Variants in NTNG1 observed in about 807,000 individuals in gnomAD.
NTNG1 encodes netrin-G1.
Under a neutral mutation model 54.0 loss-of-function variants are expected in NTNG1, and 16 were observed. The observed-to-expected ratio is 0.30, with a 90% CI of 0.20 to 0.45. The LOEUF is 0.45. NTNG1 is among the 20% of genes least tolerant of loss of function. The pLI is 1.00. For synonymous variants in NTNG1, 255 were observed against 263.1 expected (o/e 0.97, Z 0.30); for missense variants, 530 against 678.7 (o/e 0.78, Z 2.43).
At chr1:107,256,172 T>C (rs192580242) in intron 2 of NTNG1, among the ~76,000 whole-genome samples, 6 of 152,310 alleles carry the variant, frequency 3.9e-5, no homozygotes, top group Admixed American at 3.9e-4. Flanking sequence ...ATGACATTAT[T>C]GATCCATTGT....
intron 2 of NTNG1, among the ~76,000 whole-genome samples, chr1:107,178,884 G>C (rs112323914): frequency 4.4e-4 from 67 of 152,292 alleles, no homozygotes; most frequent in African/African-American, 1.5e-3. Flanking sequence ...ACATGATCTA[G>C]ACTGAAGAAT....
chr1:107,356,386 C>T (rs549470201), intron 3 of NTNG1, among the ~76,000 whole-genome samples: 53 of 152,218 alleles, frequency 3.5e-4, no homozygotes, highest in African/African-American at 5.8e-4. Context: ...CTCCACCTCC[C>T]AGGTTCAAGT....
intron 3 of NTNG1, among the ~76,000 whole-genome samples, chr1:107,335,469 C>T (rs1668523495): frequency 6.6e-6 from 1 of 151,854 alleles, no homozygotes; most frequent in Admixed American, 6.6e-5. Context: ...TCTGCTGAAA[C>T]TTTTATGAAC....
At chr1:107,412,804 A>G (rs980833036) in intron 5 of NTNG1, among the ~76,000 whole-genome samples, 1 of 152,224 alleles carries the variant, frequency 6.6e-6, no homozygotes, top group Non-Finnish European at 1.5e-5. Flanking sequence ...GAAAATGTAT[A>G]GATGTCAGGT....
In NTNG1 at chr1:107,164,622, A is replaced by G. The variant is rs140688680; in HGVS notation, c.246+15783A>G. Among the ~76,000 whole-genome samples the G allele has an allele frequency of 5.5e-4, 84 of 152,302 alleles. 1 individual carries two copies. The East Asian group carries it at 0.013, about 23-fold the overall frequency. On this transcript the variant is annotated intron_variant, in intron 2 of 7. Transcript: ENST00000370068. Reference sequence around the variant, plus strand: ...CTTCAAAGAAGAAATTTAAGCTCCTATGAGAGTATGTAATCTTAATGCTGG... The same window carrying G: ...CTTCAAAGAAGAAATTTAAGCTCCTGTGAGAGTATGTAATCTTAATGCTGG...
chr1:107,399,417 A>G (rs1036415239), intron 4 of NTNG1, among the ~76,000 whole-genome samples: 1 of 152,224 alleles, frequency 6.6e-6, no homozygotes, highest in Non-Finnish European at 1.5e-5. Context: ...TGACTTTGAC[A>G]TTATTTGTTC....
chr1:107,302,577 CT>C (rs1167716932), intron 2 of NTNG1, among the ~76,000 whole-genome samples: 1 of 151,574 alleles, frequency 6.6e-6, no homozygotes, highest in Admixed American at 6.6e-5. Flanking sequence ...TTTTTTTCAG[CT>C]TTAGTATTTT....
intron 3 of NTNG1, among the ~76,000 whole-genome samples, chr1:107,349,247 C>A (rs1570736412): frequency 1.3e-5 from 2 of 152,288 alleles, no homozygotes; most frequent in African/African-American, 4.8e-5. Flanking sequence ...GAATCATTTT[C>A]TCTCCAACAG....
At chr1:107,273,558 TC>T (rs974957782) in intron 2 of NTNG1, among the ~76,000 whole-genome samples, 1 of 152,348 alleles carries the variant, frequency 6.6e-6, no homozygotes, top group East Asian at 1.9e-4. Context: ...TTGCTGTCTT[TC>T]CCAGCTTCTT....
intron 2 of NTNG1, among the ~76,000 whole-genome samples, chr1:107,257,718 C>G (rs888855884): frequency 6.6e-6 from 1 of 152,142 alleles, no homozygotes; most frequent in Admixed American, 6.5e-5. Flanking sequence ...CTGAGAGAAC[C>G]CTTCCACATG....
At chr1:107,148,986 G>A (rs1654350725) in intron 2 of NTNG1, 147 bp downstream of exon 2, 3 of 782,774 alleles carry the variant, frequency 3.8e-6, no homozygotes, top group South Asian at 1.7e-5. Context: ...TTCTTTCTCA[G>A]TGGAGGCTTA....
chr1:107,200,740 C>G (rs964269140), intron 2 of NTNG1, among the ~76,000 whole-genome samples: 2 of 151,794 alleles, frequency 1.3e-5, no homozygotes, highest in African/African-American at 4.8e-5. Context: ...TTTGAAAAAT[C>G]AATTTCCTCC....
At chr1:107,202,797 T>G (rs1265624910) in intron 2 of NTNG1, among the ~76,000 whole-genome samples, 1 of 151,962 alleles carries the variant, frequency 6.6e-6, no homozygotes, top group African/African-American at 2.4e-5. Context: ...CCTGCTGACC[T>G]CCGTAGTCAG....
At chr1:107,141,396 C>A (rs1653683963) in intron 1 of NTNG1, 1 of 149,966 alleles carries the variant, frequency 6.7e-6, no homozygotes, top group Non-Finnish European at 1.5e-5. Flanking sequence ...GCTGGCTGCG[C>A]AGGGCCGCCG....
At chr1:107,234,757 G>T (rs1661297346) in intron 2 of NTNG1, among the ~76,000 whole-genome samples, 1 of 152,124 alleles carries the variant, frequency 6.6e-6, no homozygotes, top group African/African-American at 2.4e-5. Flanking sequence ...TGATAGTCGG[G>T]AATCTTTTAT....
chr1:107,235,009 C>T (rs548119671), intron 2 of NTNG1, among the ~76,000 whole-genome samples: 1 of 152,264 alleles, frequency 6.6e-6, no homozygotes, highest in South Asian at 2.1e-4. Context: ...ATGTGCTAGA[C>T]CCAATGTAAT....
chr1:107,340,999 T>G (rs1238429280), intron 3 of NTNG1, among the ~76,000 whole-genome samples: 2 of 152,042 alleles, frequency 1.3e-5, no homozygotes, highest in Non-Finnish European at 2.9e-5. Flanking sequence ...TATTGTGACT[T>G]TGAAAGTAGC....
At chr1:107,288,150 C>G (rs1665322698) in intron 2 of NTNG1, among the ~76,000 whole-genome samples, 1 of 152,020 alleles carries the variant, frequency 6.6e-6, no homozygotes, top group East Asian at 1.9e-4. Context: ...TAAATGGCAT[C>G]ATAAAAGAAT....
intron 3 of NTNG1, among the ~76,000 whole-genome samples, chr1:107,358,564 A>G (rs1280517156): frequency 6.6e-6 from 1 of 151,968 alleles, no homozygotes; most frequent in African/African-American, 2.4e-5. Context: ...ACTAATACAG[A>G]GCACTGACCT....
Sources: allele counts gnomAD v4.1 joint callset (sites outside exome capture counted in the v4.1 genomes callset), GRCh38; gene constraint gnomAD v4.1.1; transcripts MANE v1.5; gene names NCBI Gene and HGNC (gene_info 2026-07-23, HGNC 2026-07-21).